The following KLHDC10 variants were observed in gnomAD, a reference collection of about 807,000 sequenced individuals.
The protein encoded by KLHDC10 is kelch domain containing 10, also known as kelch domain-containing protein 10.
A neutral mutation model predicts 56.1 loss-of-function variants in KLHDC10; 24 were observed. The observed-to-expected ratio is 0.43, with a 90% CI of 0.31 to 0.60. The LOEUF (loss-of-function observed/expected upper bound fraction) is 0.60. KLHDC10 is among the 20% of genes least tolerant of loss of function. The probability of loss-of-function intolerance (pLI) is 0.11; values close to 1 mark genes in which losing one functional copy is unlikely to be tolerated. For synonymous variants in KLHDC10, 188 were observed against 207.1 expected, an observed-to-expected ratio of 0.91 and a Z score of 0.79; for missense variants, 349 against 567.0, an observed-to-expected ratio of 0.62 and a Z score of 3.91.
intron 3 of KLHDC10, among the ~76,000 whole-genome samples, chr7:130,119,248 C>T (rs1796213864): frequency 6.6e-6 from 1 of 151,598 alleles, no homozygotes; most frequent in African/African-American, 2.4e-5. Context: ...TGGTGCCTCA[C>T]CCCTGTAATC....
At position 130,124,539 on chromosome 7, in the gene KLHDC10, T is replaced by A. The variant is rs1447991990; in HGVS notation, c.864+4T>A. Reference sequence around the variant, plus strand: ...GACAGCATATTCCTTAAACAAGGTATATTTTTTTAAAAAGAAAAAAAGGGA... The same window carrying A: ...GACAGCATATTCCTTAAACAAGGTAAATTTTTTTAAAAAGAAAAAAAGGGA... On this transcript the variant is annotated splice_donor_region_variant and intron_variant, in intron 6 of 9. Coordinates refer to ENST00000335420, the MANE Select transcript of KLHDC10 (RefSeq NM_014997.4). 6.6e-7 allele frequency: 1 copy of A among 1,512,446 alleles called. No homozygotes were observed. The highest frequency in any genetic ancestry group is 9.2e-7 in the Non-Finnish European group (1 of 1,091,120). The allele number at this position is 1,512,446 out of a possible 1,614,324, so 93.7% of individuals were successfully genotyped here. A position where few individuals can be genotyped will look rare whatever the true frequency, so the allele number is the denominator to read the frequency against.
chr7:130,116,725 A>G lies in KLHDC10; in HGVS notation c.475+59A>G, dbSNP rs1796173765. On this transcript the variant is annotated intron_variant, in intron 3 of 9. Transcript: ENST00000335420. The surrounding 1 kb of genome is among the most constrained non-coding windows in gnomAD (Gnocchi z 4.8). ...TGAAATGTCTGAGAAGCCAGGTTCAATGTCCCATATTCCTCATTAATAATT... is the reference window on the plus strand; with the variant it reads ...TGAAATGTCTGAGAAGCCAGGTTCAGTGTCCCATATTCCTCATTAATAATT... 5.4e-6 allele frequency: 7 copies of G among 1,303,186 alleles called. No homozygotes were observed. The Admixed American group carries it at 6.7e-5, about 13-fold the overall frequency. The allele number at this position is 1,303,186 out of a possible 1,614,324, so 80.7% of individuals were successfully genotyped here.
At chr7:130,098,282 C>T (rs145691379) in intron 2 of KLHDC10, among the ~76,000 whole-genome samples, 134 of 152,124 alleles carry the variant, frequency 8.8e-4, no homozygotes, top group African/African-American at 3.2e-3. Context: ...TGCTTGAGCC[C>T]AGGAGTTCAA....
At chr7:130,123,070 T>C (rs1007639465) in intron 5 of KLHDC10, among the ~76,000 whole-genome samples, 1 of 152,050 alleles carries the variant, frequency 6.6e-6, no homozygotes, top group African/African-American at 2.4e-5. Context: ...GGTCATTCAT[T>C]TTAAGTGCTG....
intron 3 of KLHDC10, among the ~76,000 whole-genome samples, chr7:130,118,577 C>T (rs1796203317): frequency 6.6e-6 from 1 of 152,242 alleles, no homozygotes; most frequent in African/African-American, 2.4e-5. Context: ...TTTTCCTTTG[C>T]ATTCACAATT....
intron 8 of KLHDC10, among the ~76,000 whole-genome samples, chr7:130,128,889 A>AAAAAAAAAAAAATATATATATAT: frequency 1.3e-4 from 9 of 66,950 alleles, no homozygotes; most frequent in South Asian, 1.1e-3. Context: ...AAAAAAAAAA[A>AAAAAAAAAAAAATATATATATAT]ATATATATAT....
At chr7:130,079,452 T>G (rs1795567390) in intron 1 of KLHDC10, among the ~76,000 whole-genome samples, 2 of 152,192 alleles carry the variant, frequency 1.3e-5, no homozygotes, top group African/African-American at 4.8e-5. Context: ...GGAATTATAA[T>G]GTAATTTTTG....
chr7:130,129,759 A>G (rs977514984), intron 9 of KLHDC10, among the ~76,000 whole-genome samples, 183 bp downstream of exon 9: 14 of 152,168 alleles, frequency 9.2e-5, no homozygotes, highest in African/African-American at 3.4e-4. Context: ...CATCACACCC[A>G]AATTTGAGAG....
At chr7:130,080,129 A>T (rs904853301) in intron 1 of KLHDC10, among the ~76,000 whole-genome samples, 9 of 151,974 alleles carry the variant, frequency 5.9e-5, no homozygotes, top group African/African-American at 1.9e-4. Flanking sequence ...TTTTGTAGAG[A>T]TAAGGCCTTG....
rs578046710 is a variant in KLHDC10 at position 130,095,139 on chromosome 7, A to C, written c.167-1782A>C. ...CAATTTTGGACTCTGGAGTCATCTCAACACATACTGTATTGATTTAAAACA... is the reference window on the plus strand; with the variant it reads ...CAATTTTGGACTCTGGAGTCATCTCCACACATACTGTATTGATTTAAAACA... On this transcript the variant is annotated intron_variant, in intron 1 of 9. Coordinates refer to ENST00000335420, the MANE Select transcript of KLHDC10 (RefSeq NM_014997.4). 2.6e-5 allele frequency among the ~76,000 whole-genome samples: 4 copies of C among 152,014 alleles called. No homozygotes were observed. In the South Asian group the frequency reaches 8.3e-4, roughly 31 times the overall value.
chr7:130,083,728 C>T lies in KLHDC10; in HGVS notation c.166+12919C>T, dbSNP rs560549045. ...TTGCGTCACTGCACTCCAGCCTGGG[C>T]GACAGTGAGACTCCATCTCAAAAAC... is the stretch of plus-strand genomic sequence containing the variant. On this transcript the variant is annotated intron_variant, in intron 1 of 9. Transcript: ENST00000335420. Among the ~76,000 whole-genome samples, 5 of 152,162 alleles carry T rather than the reference C, an allele frequency of 3.3e-5. 1 individual carries two copies. Among genetic ancestry groups the T allele is most frequent in the Admixed American group, 2.0e-4 (3 of 15,268 alleles).
At chr7:130,091,879 G>T (rs1189635309) in intron 1 of KLHDC10, among the ~76,000 whole-genome samples, 3 of 152,136 alleles carry the variant, frequency 2.0e-5, no homozygotes, top group African/African-American at 7.2e-5. Context: ...TTCATTAGAA[G>T]TCTGAAGGAA....
At chr7:130,083,728 C>G (rs560549045) in intron 1 of KLHDC10, among the ~76,000 whole-genome samples, 1 of 152,042 alleles carries the variant, frequency 6.6e-6, no homozygotes, top group Non-Finnish European at 1.5e-5. Flanking sequence ...CCAGCCTGGG[C>G]GACAGTGAGA....
chr7:130,071,629 A>G (rs1269453310), intron 1 of KLHDC10, among the ~76,000 whole-genome samples: 1 of 152,246 alleles, frequency 6.6e-6, no homozygotes, highest in Admixed American at 6.5e-5. Flanking sequence ...TGAATATTCA[A>G]TCTAGTAGAA....
chr7:130,104,057 C>T (rs1795975577), intron 2 of KLHDC10, among the ~76,000 whole-genome samples: 1 of 151,928 alleles, frequency 6.6e-6, no homozygotes. Flanking sequence ...TACTGCACTC[C>T]AGCCTGGGCA....
chr7:130,109,419 G>A (rs4731658), intron 2 of KLHDC10, among the ~76,000 whole-genome samples: 20,283 of 151,554 alleles, frequency 0.13, 1,557 homozygotes, highest in East Asian at 0.31. Flanking sequence ...TACAGATAGG[G>A]TTTCACTATT....
chr7:130,074,351 G>GCAT (rs1166648225), intron 1 of KLHDC10, among the ~76,000 whole-genome samples: 1 of 152,018 alleles, frequency 6.6e-6, no homozygotes, highest in Non-Finnish European at 1.5e-5. Flanking sequence ...AACACTCATA[G>GCAT]CATCATGTGG....
In KLHDC10 at chr7:130,116,351, G is replaced by A. The variant is rs2116901917; in HGVS notation, c.254-94G>A. 2 of 817,168 alleles carry A rather than the reference G, an allele frequency of 2.4e-6. No individual in the cohort carries two copies. The highest frequency in any genetic ancestry group is 4.1e-6 in the Non-Finnish European group (2 of 493,794). The allele number at this position is 817,168 out of a possible 1,614,324, so 50.6% of individuals were successfully genotyped here. On this transcript the variant is annotated intron_variant, in intron 2 of 9. Coordinates refer to ENST00000335420, the MANE Select transcript of KLHDC10 (RefSeq NM_014997.4). This position sits in a 1 kb window ranked among gnomAD's most constrained non-coding sequence, Gnocchi z 4.8. ...ATATCCATGTTATAAATCCTTCCTGGTCCCCTTTTATGGCTAAAATGGTTG... is the reference window on the plus strand; with the variant it reads ...ATATCCATGTTATAAATCCTTCCTGATCCCCTTTTATGGCTAAAATGGTTG...
chr7:130,079,732 T>G (rs1795572652), intron 1 of KLHDC10, among the ~76,000 whole-genome samples: 1 of 151,424 alleles, frequency 6.6e-6, no homozygotes, highest in Non-Finnish European at 1.5e-5. Flanking sequence ...CCTGCCTTCC[T>G]TCCTTCCTTC....
Sources: gnomAD v4.1 joint callset for allele counts (sites outside exome capture counted in the v4.1 genomes callset) on GRCh38, gnomAD v4.1.1 for gene constraint, Gnocchi (gnomAD v3.1) non-coding constraint, MANE v1.5 for transcripts, NCBI Gene and HGNC (gene_info 2026-07-23, HGNC 2026-07-21) for gene names.